Variants in GRHL2 observed in about 807,000 individuals in gnomAD.
GRHL2 encodes the protein grainyhead-like protein 2 homolog.
A neutral mutation model predicts 83.8 loss-of-function variants in GRHL2; 21 were observed. That is an observed-to-expected ratio of 0.25 (90% confidence interval 0.18 to 0.36). The LOEUF (loss-of-function observed/expected upper bound fraction) is 0.36. Ranked by LOEUF, GRHL2 falls within the 10% of genes least tolerant of loss-of-function variation. The pLI, the probability that GRHL2 is intolerant of heterozygous loss-of-function variation, is 1.00. For missense variants in GRHL2, 623 were observed against 781.8 expected (o/e 0.80, Z 2.42); for synonymous variants, 280 against 278.9 (o/e 1.00, Z -0.04).
chr8:101,608,715 C>T (rs1165398750), intron 8 of GRHL2, among the ~76,000 whole-genome samples: 1 of 145,196 alleles, frequency 6.9e-6, no homozygotes, highest in Admixed American at 7.0e-5. Flanking sequence ...GCCAGATTTG[C>T]TTTGTCTCTG....
the GRHL2 span, among the ~76,000 whole-genome samples, chr8:101,677,509 G>T: frequency 1.1e-5 from 1 of 93,362 alleles, no homozygotes; most frequent in Non-Finnish European, 2.1e-5. Context: ...CAAATAAAGT[G>T]ATTAAATACT....
At chr8:101,659,606 G>A (rs1012910800) in intron 14 of GRHL2, among the ~76,000 whole-genome samples, 8 of 152,112 alleles carry the variant, frequency 5.3e-5, no homozygotes, top group East Asian at 1.9e-4. Context: ...GCAAATCTTC[G>A]CTCAGAGCCC....
At chr8:101,538,122 A>T (rs561109155) in intron 1 of GRHL2, among the ~76,000 whole-genome samples, 1 of 152,154 alleles carries the variant, frequency 6.6e-6, no homozygotes, top group Admixed American at 6.5e-5. Flanking sequence ...TTTGGATCCC[A>T]AGTGTCTTTA....
chr8:101,586,607 A>C (rs572758795), intron 7 of GRHL2, among the ~76,000 whole-genome samples: 14 of 152,298 alleles, frequency 9.2e-5, no homozygotes, highest in African/African-American at 3.4e-4. Context: ...TCATTTATTC[A>C]TCCTACTAGA....
chr8:101,558,485 A>T lies in GRHL2; in HGVS notation c.351A>T (p.Leu117=). The part of the protein sequence containing the change: ...LSGGENRVQV[L]KTVPVNLSLN... ...GAGGAGAAAACCGAGTGCAAGTCCT[A>T]AAGACTGTTCCAGTGAACCTTTCCC... Residue 117 remains leucine (L), a synonymous_variant, in exon 4 of 16, where the codon CTA becomes CTT. Coordinates refer to ENST00000646743, the MANE Select transcript of GRHL2 (RefSeq NM_024915.4). The T allele has an allele frequency of 6.2e-7, 1 of 1,614,174 alleles. No individual in the cohort carries two copies.
chr8:101,670,361 C>T (rs542229747), downstream of GRHL2, among the ~76,000 whole-genome samples: 1 of 152,338 alleles, frequency 6.6e-6, no homozygotes, highest in African/African-American at 2.4e-5. Flanking sequence ...ATCTTCCCAT[C>T]TCTCTGTCTA....
intron 7 of GRHL2, among the ~76,000 whole-genome samples, chr8:101,584,948 C>T (rs1218140403): frequency 6.6e-6 from 1 of 151,172 alleles, no homozygotes; most frequent in Non-Finnish European, 1.5e-5. Context: ...GTCAGGTAGT[C>T]AGGTGGTCAG....
intron 1 of GRHL2, chr8:101,542,900 A>C: frequency 2.2e-6 from 1 of 457,842 alleles, no homozygotes; most frequent in Admixed American, 2.4e-5. Flanking sequence ...TGACCTAAAC[A>C]CCTCTTAAAG....
At chr8:101,583,732 A>C (rs1419219293) in intron 7 of GRHL2, among the ~76,000 whole-genome samples, 1 of 152,254 alleles carries the variant, frequency 6.6e-6, no homozygotes, top group Non-Finnish European at 1.5e-5. Flanking sequence ...CAAATAGTGG[A>C]TAATTCCAAA....
intron 7 of GRHL2, among the ~76,000 whole-genome samples, chr8:101,588,095 CAT>C (rs10578246): frequency 0.011 from 1,728 of 152,306 alleles, 43 homozygotes; most frequent in South Asian, 0.076. Context: ...TTTGGAAAGA[CAT>C]GTGTTGAAAT....
chr8:101,526,525 CTTTTTTTTTT>C (rs33928032), intron 1 of GRHL2, among the ~76,000 whole-genome samples: 7 of 109,638 alleles, frequency 6.4e-5, no homozygotes, highest in Middle Eastern at 4.7e-3. Context: ...TCTTTTTTTC[CTTTTTTTTTT>C]TTTTTTTTTT....
chr8:101,564,812 CAA>C (rs3035637), intron 4 of GRHL2, among the ~76,000 whole-genome samples: 2 of 109,764 alleles, frequency 1.8e-5, no homozygotes, highest in African/African-American at 3.6e-5. Context: ...GCCCTGTCTC[CAA>C]AAAAAAAAAA....
intron 8 of GRHL2, among the ~76,000 whole-genome samples, chr8:101,608,400 C>G (rs938001714): frequency 6.6e-6 from 1 of 152,182 alleles, no homozygotes; most frequent in Non-Finnish European, 1.5e-5. Context: ...GCACCCACTG[C>G]ATATCAGGCA....
At chr8:101,671,511 G>C (rs1282556135), downstream of GRHL2, among the ~76,000 whole-genome samples, 2 of 152,228 alleles carry the variant, frequency 1.3e-5, no homozygotes, top group Non-Finnish European at 2.9e-5. Flanking sequence ...GCCCAGGCTT[G>C]ATTAGGCAAA....
At chr8:101,517,416 G>C (rs1202905495) in intron 1 of GRHL2, among the ~76,000 whole-genome samples, 1 of 152,194 alleles carries the variant, frequency 6.6e-6, no homozygotes, top group Non-Finnish European at 1.5e-5. Context: ...GGACAACAAA[G>C]AGTGCAGGGA....
intron 3 of GRHL2, among the ~76,000 whole-genome samples, chr8:101,555,516 T>G (rs540084604): frequency 6.6e-6 from 1 of 152,330 alleles, no homozygotes; most frequent in East Asian, 1.9e-4. Flanking sequence ...CTATTAACAT[T>G]CCATGCAATG....
downstream of GRHL2, among the ~76,000 whole-genome samples, chr8:101,674,484 T>C (rs1056621790): frequency 6.6e-6 from 1 of 152,216 alleles, no homozygotes; most frequent in East Asian, 1.9e-4. Context: ...CCTCGACACA[T>C]ACACCCTCCC....
chr8:101,563,078 C>A (rs982671421), intron 4 of GRHL2, among the ~76,000 whole-genome samples: 1 of 152,174 alleles, frequency 6.6e-6, no homozygotes, highest in African/African-American at 2.4e-5. Context: ...ATAAGCCTCA[C>A]AAAAGCCCTA....
chr8:101,629,828 T>C (rs927942285), intron 9 of GRHL2, among the ~76,000 whole-genome samples: 1 of 152,114 alleles, frequency 6.6e-6, no homozygotes, highest in African/African-American at 2.4e-5. Context: ...TAACACTTCA[T>C]TTTTTGAAAA....
Sources: allele counts gnomAD v4.1 joint callset (sites outside exome capture counted in the v4.1 genomes callset), GRCh38; gene constraint gnomAD v4.1.1; transcripts MANE v1.5; gene names NCBI Gene and HGNC (gene_info 2026-07-23, HGNC 2026-07-21).